The following FBXL2 variants were observed in gnomAD, a reference collection of about 807,000 sequenced individuals.
The protein encoded by FBXL2 is F-box/LRR-repeat protein 2.
FBXL2 carries 38 observed loss-of-function variants against 69.2 expected under a neutral mutation model. The observed-to-expected ratio is 0.55, with a 90% confidence interval of 0.42 to 0.72. The LOEUF is 0.72. Ranked by LOEUF, FBXL2 falls within the 30% of genes least tolerant of loss-of-function variation. FBXL2 has a pLI of 0.00. For synonymous variants in FBXL2, 192 were observed against 201.3 expected (o/e 0.95, Z 0.39); for missense variants, 354 against 520.3 (o/e 0.68, Z 3.11).
the FBXL2 span, chr3:33,411,442 C>T: frequency 3.0e-6 from 2 of 674,052 alleles, no homozygotes; most frequent in Non-Finnish European, 2.5e-6. Context: ...TAGATTAAAC[C>T]TAACTATGTA....
Position 33,386,842 on chromosome 3 carries a change from G to C in FBXL2, c.*1234G>C, listed in dbSNP as rs891669590. 3.3e-5 allele frequency: 5 copies of C among 152,062 alleles called. No individual in the cohort carries two copies. Among genetic ancestry groups the C allele is most frequent in the African/African-American group, 1.2e-4 (5 of 41,376 alleles). 9.4% of individuals were successfully genotyped at this position (152,062 alleles called of 1,614,324 possible). ...CATCACCACCTTCATTGTAAACTTA[G>C]GTGTTCATGGTGGCTGGCCCTTCCA... On this transcript the variant is annotated 3_prime_UTR_variant, in exon 15 of 15. Coordinates refer to ENST00000484457, the MANE Select transcript of FBXL2 (RefSeq NM_012157.5).
downstream of FBXL2, chr3:33,390,608 C>T (rs1050857559): frequency 3.6e-6 from 2 of 557,204 alleles, no homozygotes; most frequent in Non-Finnish European, 6.5e-6. Flanking sequence ...CGCATTCCAA[C>T]ACTGTCTGCC....
intron 1 of FBXL2, among the ~76,000 whole-genome samples, chr3:33,282,096 G>A (rs998942444): frequency 1.3e-5 from 2 of 152,122 alleles, no homozygotes; most frequent in African/African-American, 4.8e-5. Flanking sequence ...ATTGCTTTTG[G>A]TGTTTTAGTC....
At chr3:33,323,307 A>G (rs1267781743) in intron 2 of FBXL2, among the ~76,000 whole-genome samples, 1 of 152,088 alleles carries the variant, frequency 6.6e-6, no homozygotes, top group Non-Finnish European at 1.5e-5. Flanking sequence ...AATGAACCAA[A>G]TCTTCCTTTT....
chr3:33,312,239 G>C (rs113986566), intron 2 of FBXL2, among the ~76,000 whole-genome samples: 146 of 151,766 alleles, frequency 9.6e-4, no homozygotes, highest in Non-Finnish European at 1.8e-3. Flanking sequence ...AAATTTTTTT[G>C]TAGAGACAGG....
intron 12 of FBXL2, chr3:33,393,199 A>G: frequency 8.9e-7 from 1 of 1,128,546 alleles, no homozygotes; most frequent in Non-Finnish European, 1.2e-6. Context: ...CTCTCTGAAA[A>G]TGATTCTCAT....
chr3:33,385,806 A>C lies in FBXL2; in HGVS notation c.*198A>C. 1.7e-6 allele frequency: 1 copy of C among 585,016 alleles called. No homozygotes were observed. The allele number at this position is 585,016 out of a possible 1,614,324, so 36.2% of individuals were successfully genotyped here. On this transcript the variant is annotated 3_prime_UTR_variant, in exon 15 of 15. Coordinates refer to ENST00000484457, the MANE Select transcript of FBXL2 (RefSeq NM_012157.5). Reference sequence around the variant, plus strand: ...ATTCTGCTGTGAAACAATCAAATCAAAGCCTTGTGTCAGTTAACACATGAC... The same window carrying C: ...ATTCTGCTGTGAAACAATCAAATCACAGCCTTGTGTCAGTTAACACATGAC...
chr3:33,332,067 G>C (rs2039208853), intron 2 of FBXL2, among the ~76,000 whole-genome samples: 1 of 151,916 alleles, frequency 6.6e-6, no homozygotes, highest in African/African-American at 2.4e-5. Flanking sequence ...TCAGGTTCTG[G>C]AAAGGATTAA....
chr3:33,346,827 TA>T (rs57298554), intron 2 of FBXL2, among the ~76,000 whole-genome samples: 2 of 151,692 alleles, frequency 1.3e-5, no homozygotes, highest in South Asian at 2.1e-4. Flanking sequence ...TGTTCAGATT[TA>T]AAAAAAAATT....
intron 2 of FBXL2, among the ~76,000 whole-genome samples, chr3:33,315,495 C>T (rs2037607015): frequency 6.6e-6 from 1 of 150,768 alleles, no homozygotes; most frequent in Non-Finnish European, 1.5e-5. Flanking sequence ...AAGCAAGTAA[C>T]ATCTTAGTAT....
intron 2 of FBXL2, among the ~76,000 whole-genome samples, chr3:33,329,803 G>A (rs1228579806): frequency 6.6e-5 from 10 of 151,996 alleles, no homozygotes. Flanking sequence ...ATCAGCCTGG[G>A]CCACGTAGCA....
At chr3:33,286,784 A>T (rs1446868567) in intron 1 of FBXL2, among the ~76,000 whole-genome samples, 1 of 152,140 alleles carries the variant, frequency 6.6e-6, no homozygotes, top group Non-Finnish European at 1.5e-5. Flanking sequence ...GTTCAATCTC[A>T]GACTGCTGTG....
intron 5 of FBXL2, chr3:33,372,429 C>T (rs1217148802): frequency 6.5e-6 from 1 of 152,734 alleles, no homozygotes; most frequent in African/African-American, 2.4e-5. Context: ...GAGCAAATCT[C>T]AAAGCTGTAT....
At chr3:33,283,682 C>CT (rs2034291331) in intron 1 of FBXL2, among the ~76,000 whole-genome samples, 2 of 152,032 alleles carry the variant, frequency 1.3e-5, no homozygotes, top group Admixed American at 6.6e-5. Context: ...TGGTCCTGGA[C>CT]TTTTTTTGGT....
downstream of FBXL2, among the ~76,000 whole-genome samples, chr3:33,408,378 G>A (rs1283783872): frequency 1.3e-5 from 2 of 152,174 alleles, no homozygotes; most frequent in Non-Finnish European, 2.9e-5. Context: ...AGGTGTGTGT[G>A]TGAAGGAGAG....
intron 9 of FBXL2, among the ~76,000 whole-genome samples, chr3:33,374,249 C>CT (rs545946060): frequency 1.7e-4 from 26 of 151,592 alleles, no homozygotes; most frequent in African/African-American, 2.9e-4. Flanking sequence ...CATGAAGTGT[C>CT]TTTTTTTTTA....
At chr3:33,343,608 ACT>A (rs1428092807) in intron 2 of FBXL2, among the ~76,000 whole-genome samples, 1 of 151,838 alleles carries the variant, frequency 6.6e-6, no homozygotes. Context: ...AATACTACAA[ACT>A]CTTCAGCAGG....
chr3:33,315,447 T>TA (rs199821045), intron 2 of FBXL2, among the ~76,000 whole-genome samples: 15,140 of 143,606 alleles, frequency 0.11, 784 homozygotes, highest in African/African-American at 0.13. Flanking sequence ...AATGTCAGTT[T>TA]AAAAAAAAAA....
intron 4 of FBXL2, among the ~76,000 whole-genome samples, chr3:33,362,644 A>G (rs1047084092): frequency 2.0e-5 from 3 of 152,210 alleles, no homozygotes; most frequent in African/African-American, 4.8e-5. Context: ...TCATTGTTCA[A>G]TTCCCTGTAT....
Sources: allele counts gnomAD v4.1 joint callset (sites outside exome capture counted in the v4.1 genomes callset), GRCh38; gene constraint gnomAD v4.1.1; transcripts MANE v1.5; gene names NCBI Gene and HGNC (gene_info 2026-07-23, HGNC 2026-07-21).